DOK5: variants seen among roughly 807,000 people sequenced by gnomAD.
The protein encoded by DOK5 is downstream of tyrosine kinase 5.
Under a neutral mutation model 43.3 loss-of-function variants are expected in DOK5, and 27 were observed. The observed-to-expected ratio is 0.62, with a 90% CI of 0.46 to 0.86. The LOEUF is 0.86. Among genes scored for constraint, DOK5 ranks in the 40% least tolerant of loss-of-function variants. The pLI, the probability that DOK5 is intolerant of heterozygous loss-of-function variation, is 0.00. For synonymous variants in DOK5, 146 were observed against 140.1 expected, an observed-to-expected ratio of 1.04 and a Z score of -0.30; for missense variants, 373 against 392.9, an observed-to-expected ratio of 0.95 and a Z score of 0.43.
chr20:54,507,115 G>A (rs982138055), intron 1 of DOK5, among the ~76,000 whole-genome samples: 2 of 152,128 alleles, frequency 1.3e-5, no homozygotes, highest in African/African-American at 4.8e-5. Context: ...TATTTTTTGA[G>A]TACTTATTAC....
At chr20:54,480,236 C>T (rs1981615132) in intron 1 of DOK5, among the ~76,000 whole-genome samples, 1 of 152,136 alleles carries the variant, frequency 6.6e-6, no homozygotes, top group African/African-American at 2.4e-5. Context: ...CATTCCCAGA[C>T]AGTTAAGGCA....
chr20:54,573,762 G>A (rs544985999), intron 2 of DOK5, among the ~76,000 whole-genome samples: 1 of 150,576 alleles, frequency 6.6e-6, no homozygotes, highest in Non-Finnish European at 1.5e-5. Context: ...TGTCTTCCAC[G>A]TAATGACCTC....
chr20:54,529,403 G>A (rs1241010234), intron 1 of DOK5, among the ~76,000 whole-genome samples: 4 of 152,094 alleles, frequency 2.6e-5, no homozygotes, highest in African/African-American at 9.7e-5. Flanking sequence ...AGATAATGCT[G>A]ATTAGGTGAC....
In DOK5 at chr20:54,487,647, C is replaced by T. The variant is rs190812375; in HGVS notation, c.66+11635C>T. Among the ~76,000 whole-genome samples, 405 of 152,120 alleles carry T rather than the reference C, an allele frequency of 2.7e-3. 3 individuals are homozygous for T. The highest frequency in any genetic ancestry group is 9.4e-3 in the African/African-American group (391 of 41,506). On this transcript the variant is annotated intron_variant, in intron 1 of 7. Coordinates refer to ENST00000262593, the MANE Select transcript of DOK5 (RefSeq NM_018431.5). ...TTTCTAAAATTTCTTTACTTATAGC[C>T]GCCAAATGTCATCATTTTATATAAA... is the stretch of plus-strand genomic sequence containing the variant.
chr20:54,519,817 C>T (rs941126436), intron 1 of DOK5, among the ~76,000 whole-genome samples: 1 of 152,098 alleles, frequency 6.6e-6, no homozygotes. Flanking sequence ...TTATTTTATC[C>T]TTGAATTCAT....
At chr20:54,520,274 C>T (rs1191962226) in intron 1 of DOK5, among the ~76,000 whole-genome samples, 1 of 152,090 alleles carries the variant, frequency 6.6e-6, no homozygotes, top group African/African-American at 2.4e-5. Context: ...AAATTCTAAG[C>T]CCCTTATCAA....
Position 54,643,493 on chromosome 20 carries a change from G to T in DOK5, c.771G>T (p.Leu257=), listed in dbSNP as rs947914174. ...QMKMSERAAS[L]STMVPLPRSA... ...AGATGAGTGAGCGGGCCGCCTCGCT[G>T]AGCACCATGGTGCCCCTGCCTCGCA... is the stretch of plus-strand genomic sequence containing the variant. Residue 257 remains leucine, a synonymous_variant, in exon 7 of 8, where the codon CTG becomes CTT. Coordinates refer to ENST00000262593, the MANE Select transcript of DOK5 (RefSeq NM_018431.5). 3 of 1,613,662 alleles carry T rather than the reference G, an allele frequency of 1.9e-6. No individual in the cohort carries two copies. The highest frequency in any genetic ancestry group is 2.5e-6 in the Non-Finnish European group (3 of 1,180,032).
intron 7 of DOK5, among the ~76,000 whole-genome samples, chr20:54,645,707 T>C (rs1979379056): frequency 6.6e-6 from 1 of 152,062 alleles, no homozygotes; most frequent in African/African-American, 2.4e-5. Context: ...AATTGACTCA[T>C]GGTCAGCTCT....
chr20:54,548,013 G>T (rs1036156095), intron 1 of DOK5, among the ~76,000 whole-genome samples: 1 of 152,168 alleles, frequency 6.6e-6, no homozygotes, highest in Non-Finnish European at 1.5e-5. Flanking sequence ...GGAGGTGGGA[G>T]AATCTGCTAC....
intron 1 of DOK5, among the ~76,000 whole-genome samples, chr20:54,485,470 A>G (rs1981896224): frequency 6.6e-6 from 1 of 151,936 alleles, no homozygotes; most frequent in African/African-American, 2.4e-5. Flanking sequence ...TGTTGTGTGT[A>G]TAAGTTTGTT....
chr20:54,476,147 C>A (rs758504848), intron 1 of DOK5, 135 bp downstream of exon 1: 87 of 1,528,354 alleles, frequency 5.7e-5, no homozygotes, highest in Admixed American at 1.8e-4. Flanking sequence ...CAGCCGAAAC[C>A]CGCGTCTCCG....
chr20:54,477,080 G>C (rs897421592), intron 1 of DOK5, among the ~76,000 whole-genome samples: 1 of 152,102 alleles, frequency 6.6e-6, no homozygotes, highest in African/African-American at 2.4e-5. Context: ...ATATCCTTTG[G>C]TGTAATGCCT....
At chr20:54,558,946 A>T (rs1984808944) in intron 2 of DOK5, among the ~76,000 whole-genome samples, 1 of 152,202 alleles carries the variant, frequency 6.6e-6, no homozygotes, top group Admixed American at 6.5e-5. Context: ...TGGAAAATAA[A>T]CATATGAATA....
At chr20:54,478,806 T>C (rs568282694) in intron 1 of DOK5, among the ~76,000 whole-genome samples, 4 of 152,208 alleles carry the variant, frequency 2.6e-5, no homozygotes, top group Non-Finnish European at 4.4e-5. Context: ...GCAATGAAAG[T>C]CTAGAACATT....
At chr20:54,635,224 A>G (rs1222364917) in intron 6 of DOK5, among the ~76,000 whole-genome samples, 1 of 152,160 alleles carries the variant, frequency 6.6e-6, no homozygotes, top group African/African-American at 2.4e-5. Context: ...ACATTTAAGT[A>G]TTTTACTCCA....
At chr20:54,625,905 C>CTATA (rs912297544) in intron 6 of DOK5, among the ~76,000 whole-genome samples, 8 of 152,170 alleles carry the variant, frequency 5.3e-5, no homozygotes, top group African/African-American at 1.9e-4. Flanking sequence ...TAAATGCCTA[C>CTATA]TATATGCCAG....
intron 2 of DOK5, among the ~76,000 whole-genome samples, chr20:54,555,964 C>T (rs1391315626): frequency 1.3e-5 from 2 of 152,134 alleles, no homozygotes; most frequent in Admixed American, 6.5e-5. Context: ...TGCAAATTCT[C>T]CAAAAGTAGT....
intron 5 of DOK5, among the ~76,000 whole-genome samples, chr20:54,592,067 A>G (rs1985992742): frequency 1.3e-5 from 2 of 152,218 alleles, no homozygotes; most frequent in South Asian, 4.1e-4. Flanking sequence ...TTGATTCCAT[A>G]TCACAAACTG....
intron 1 of DOK5, among the ~76,000 whole-genome samples, chr20:54,531,740 C>T (rs991207007): frequency 6.6e-6 from 1 of 152,196 alleles, no homozygotes; most frequent in Non-Finnish European, 1.5e-5. Flanking sequence ...GCCACTGGCT[C>T]TACTGATGTT....
Sources: gnomAD v4.1 joint callset for allele counts (sites outside exome capture counted in the v4.1 genomes callset) on GRCh38, gnomAD v4.1.1 for gene constraint, MANE v1.5 for transcripts, NCBI Gene and HGNC (gene_info 2026-07-23, HGNC 2026-07-21) for gene names.